Variants in HERC4 observed in about 807,000 individuals in gnomAD.
HERC4 encodes probable E3 ubiquitin-protein ligase HERC4.
In HERC4, 28 loss-of-function variants were observed where a neutral mutation model predicts 124.3. The observed-to-expected ratio is 0.23, with a 90% confidence interval of 0.17 to 0.31. The LOEUF (loss-of-function observed/expected upper bound fraction) is 0.31, where lower values mean the gene tolerates loss of function less well. Ranked by LOEUF, HERC4 falls within the 10% of genes least tolerant of loss-of-function variation. The pLI is 1.00. For missense variants in HERC4, 713 were observed against 1,229.3 expected (o/e 0.58, Z 6.28); for synonymous variants, 407 against 421.5 (o/e 0.97, Z 0.42).
intron 7 of HERC4, among the ~76,000 whole-genome samples, chr10:68,032,060 C>G (rs1410373253): frequency 1.3e-5 from 2 of 152,146 alleles, no homozygotes; most frequent in Non-Finnish European, 2.9e-5. Flanking sequence ...ACGTTAATGT[C>G]TTTTTACCAA....
rs142016089 is a variant in HERC4 at position 68,052,702 on chromosome 10, G to C, written c.227-8139C>G. ...AATTAAGCTTGTGAAAATTCATATA[G>C]AGTATCATCAACTCCAATTCATTGT... is the stretch of plus-strand genomic sequence containing the variant. On this transcript the variant is annotated intron_variant, in intron 3 of 24. Coordinates refer to ENST00000373700, the MANE Select transcript of HERC4 (RefSeq NM_015601.4). 2.7e-3 allele frequency among the ~76,000 whole-genome samples: 407 copies of C among 152,224 alleles called. 2 individuals carry two copies. The highest frequency in any genetic ancestry group is 9.2e-3 in the African/African-American group (381 of 41,526).
chr10:67,989,647 G>C (rs1564516525), intron 14 of HERC4, among the ~76,000 whole-genome samples: 1 of 151,836 alleles, frequency 6.6e-6, no homozygotes, highest in Admixed American at 6.6e-5. Context: ...AAGTATAAAG[G>C]CCAGGAAATA....
intron 16 of HERC4, chr10:67,965,648 A>C (rs1217439273): frequency 6.6e-6 from 1 of 152,206 alleles, no homozygotes; most frequent in Admixed American, 6.5e-5. Flanking sequence ...GTACTTTTTT[A>C]GTGCTTACTA....
chr10:68,002,236 C>T (rs905921091), intron 9 of HERC4, among the ~76,000 whole-genome samples: 2 of 152,032 alleles, frequency 1.3e-5, no homozygotes, highest in Non-Finnish European at 2.9e-5. Context: ...TGTCAACCTT[C>T]ATAGTATCCT....
chr10:67,927,395 TA>T lies in HERC4; in HGVS notation c.2839-2209del, dbSNP rs1564910314. On this transcript the variant is annotated intron_variant, in intron 23 of 24. Coordinates refer to ENST00000373700, the MANE Select transcript of HERC4 (RefSeq NM_015601.4). ...TAAATACACCATATATATATATATA[TA>T]TATATATATATATATATATATATAT... 5.5e-3 allele frequency among the ~76,000 whole-genome samples: 32 copies of T among 5,838 alleles called. 3 individuals are homozygous for T. Among genetic ancestry groups the T allele is most frequent in the East Asian group, 0.049 (23 of 470 alleles). The allele number at this position is 5,838 out of a possible 152,430, so 3.8% of individuals were successfully genotyped here. A position where few individuals can be genotyped will look rare whatever the true frequency, so the allele number is the denominator to read the frequency against.
At chr10:67,925,302 C>T in intron 23 of HERC4, 115 bp from the exon 24 acceptor site, 1 of 540,364 alleles carries the variant, frequency 1.9e-6, no homozygotes, top group East Asian at 3.1e-5. Context: ...GGATTGCCCA[C>T]TGTTTTCTGG....
chr10:67,945,900 G>A (rs1181877392), intron 19 of HERC4, among the ~76,000 whole-genome samples: 1 of 151,538 alleles, frequency 6.6e-6, no homozygotes, highest in African/African-American at 2.4e-5. Context: ...AAAAGGAATG[G>A]AATAGGAAGG....
chr10:68,069,764 T>C (rs899978413), intron 3 of HERC4: 186 of 985,342 alleles, frequency 1.9e-4, no homozygotes, highest in Non-Finnish European at 2.2e-4. Context: ...TGAAGTCAGC[T>C]GGGCACGGTG....
intron 15 of HERC4, among the ~76,000 whole-genome samples, chr10:67,980,425 A>G (rs2035862375): frequency 6.6e-6 from 1 of 152,078 alleles, no homozygotes; most frequent in South Asian, 2.1e-4. Flanking sequence ...GAGCCACCGC[A>G]CCCCACCCTG....
chr10:67,952,781 T>C (rs1189835824), intron 19 of HERC4, among the ~76,000 whole-genome samples: 1 of 151,478 alleles, frequency 6.6e-6, no homozygotes, highest in Non-Finnish European at 1.5e-5. Flanking sequence ...GCGCCTGTAG[T>C]CCCAGCTACT....
chr10:67,986,325 T>C (rs1245486611), intron 15 of HERC4, among the ~76,000 whole-genome samples: 1 of 152,230 alleles, frequency 6.6e-6, no homozygotes, highest in Non-Finnish European at 1.5e-5. Flanking sequence ...AATCACTGTC[T>C]TATGAATATA....
chr10:67,989,521 C>A (rs899474246), intron 14 of HERC4, among the ~76,000 whole-genome samples: 1 of 151,980 alleles, frequency 6.6e-6, no homozygotes, highest in African/African-American at 2.4e-5. Flanking sequence ...TTGCTTCCTC[C>A]ATTTACCCTC....
Position 67,925,148 on chromosome 10 carries a change from T to C in HERC4, c.2878A>G (p.Thr960Ala), listed in dbSNP as rs145764875. 1 of 1,605,734 alleles carries C rather than the reference T, an allele frequency of 6.2e-7. No homozygotes were observed. Among genetic ancestry groups the C allele is most frequent in the African/African-American group, 1.3e-5 (1 of 74,890 alleles). Reference protein sequence around the residue: ...YKGEYWAEHPTIKIFWEVFHE... With the variant: ...YKGEYWAEHPAIKIFWEVFHE... ...AATACTTCCCAAAAAATTTTTATCG[T>C]AGGATGTTCTGCCCAATATTCCCCT... Residue 960 changes from threonine to alanine, a missense_variant, in exon 24 of 25, where the codon ACG becomes GCG. Physicochemically the swap from Thr to Ala is moderately conservative, Grantham distance 58. Coordinates refer to ENST00000373700, the MANE Select transcript of HERC4 (RefSeq NM_015601.4).
intron 16 of HERC4, among the ~76,000 whole-genome samples, chr10:67,961,939 TAG>T (rs2034550061): frequency 6.6e-6 from 1 of 152,160 alleles, no homozygotes; most frequent in East Asian, 1.9e-4. Flanking sequence ...TGAAAGTCTT[TAG>T]AGACTGTTCT....
intron 4 of HERC4, chr10:68,039,991 G>T: frequency 1.4e-6 from 1 of 732,222 alleles, no homozygotes; most frequent in Non-Finnish European, 1.7e-6. Context: ...TTTAATATTT[G>T]TCTCCTCTGC....
At chr10:67,962,571 G>A (rs1471176703) in intron 16 of HERC4, among the ~76,000 whole-genome samples, 1 of 151,940 alleles carries the variant, frequency 6.6e-6, no homozygotes, top group Non-Finnish European at 1.5e-5. Context: ...GAGATGATTA[G>A]ACATTAGGTA....
At chr10:68,013,916 A>C in intron 9 of HERC4, 110 bp downstream of exon 9, 1 of 938,688 alleles carries the variant, frequency 1.1e-6, no homozygotes, top group Non-Finnish European at 1.6e-6. Context: ...TGCTGTTTTC[A>C]CTTAACAATG....
intron 3 of HERC4, among the ~76,000 whole-genome samples, chr10:68,053,684 G>A (rs571167149): frequency 3.9e-5 from 6 of 152,268 alleles, no homozygotes; most frequent in Admixed American, 2.0e-4. Flanking sequence ...CCACTTGTTT[G>A]TAATGACAGC....
At chr10:68,002,009 G>T (rs2037263206) in intron 9 of HERC4, among the ~76,000 whole-genome samples, 1 of 151,810 alleles carries the variant, frequency 6.6e-6, no homozygotes, top group Admixed American at 6.6e-5. Context: ...ACAATTTTTT[G>T]ATGAAACTAA....
Sources: gnomAD v4.1 joint callset for allele counts (sites outside exome capture counted in the v4.1 genomes callset) on GRCh38, gnomAD v4.1.1 for gene constraint, MANE v1.5 for transcripts, NCBI Gene and HGNC (gene_info 2026-07-23, HGNC 2026-07-21) for gene names.